The following CDH12 variants were observed in gnomAD, a reference collection of about 807,000 sequenced individuals.
The protein encoded by CDH12 is cadherin-12.
Under a neutral mutation model 74.1 loss-of-function variants are expected in CDH12, and 41 were observed. The ratio of observed to expected loss-of-function variants is 0.55; its 90% CI spans 0.43 to 0.72. The LOEUF is 0.72. CDH12 is among the 30% of genes least tolerant of loss of function. The probability of loss-of-function intolerance (pLI) is 0.00; values close to 1 mark genes in which losing one functional copy is unlikely to be tolerated. For synonymous variants in CDH12, 399 were observed against 355.0 expected (o/e 1.12, Z -1.39); for missense variants, 945 against 977.2 (o/e 0.97, Z 0.44).
At chr5:22,461,871 A>G (rs991713390) in intron 2 of CDH12, among the ~76,000 whole-genome samples, 2 of 151,926 alleles carry the variant, frequency 1.3e-5, no homozygotes, top group Admixed American at 6.6e-5. Context: ...TATGAATAGT[A>G]CAAGAAAGAG....
chr5:22,051,817 A>G (rs1452727872), intron 5 of CDH12, among the ~76,000 whole-genome samples: 1 of 152,132 alleles, frequency 6.6e-6, no homozygotes, highest in African/African-American at 2.4e-5. Flanking sequence ...AAAAAAGAAA[A>G]AGAGCTGGAC....
chr5:22,027,606 G>T (rs2150168674), intron 5 of CDH12, among the ~76,000 whole-genome samples: 1 of 152,246 alleles, frequency 6.6e-6, no homozygotes. Flanking sequence ...TTGCGTAGAG[G>T]TGTTTGTAGT....
chr5:22,496,118 A>G (rs998828224), intron 2 of CDH12, among the ~76,000 whole-genome samples: 3 of 152,142 alleles, frequency 2.0e-5, no homozygotes, highest in Non-Finnish European at 4.4e-5. Flanking sequence ...GTAACTTGTC[A>G]CTACTGATAA....
intron 6 of CDH12, among the ~76,000 whole-genome samples, chr5:21,879,914 G>C (rs1752151779): frequency 6.6e-6 from 1 of 152,196 alleles, no homozygotes. Flanking sequence ...TGATCTAACA[G>C]GTAGATGGAA....
intron 1 of CDH12, among the ~76,000 whole-genome samples, chr5:22,811,034 T>C (rs1226795540): frequency 6.6e-6 from 1 of 151,162 alleles, no homozygotes; most frequent in African/African-American, 2.4e-5. Context: ...TGTACATACA[T>C]AAATATATAC....
At chr5:22,336,902 G>T (rs1168462124) in intron 3 of CDH12, among the ~76,000 whole-genome samples, 1 of 152,204 alleles carries the variant, frequency 6.6e-6, no homozygotes, top group Non-Finnish European at 1.5e-5. Flanking sequence ...TTGACAGCTT[G>T]CACCATCCAC....
intron 3 of CDH12, among the ~76,000 whole-genome samples, chr5:22,283,124 T>A (rs58361406): frequency 0.33 from 50,164 of 150,058 alleles, 8,943 homozygotes; most frequent in East Asian, 0.48. Context: ...ACACAGAATA[T>A]TTGTCCATCT....
intron 6 of CDH12, among the ~76,000 whole-genome samples, chr5:21,877,912 A>G (rs1221506345): frequency 6.6e-6 from 1 of 152,252 alleles, no homozygotes. Context: ...TGGAAAATCC[A>G]TTAAAATAAA....
intron 6 of CDH12, among the ~76,000 whole-genome samples, chr5:21,934,128 TCACACACA>T (rs367663462): frequency 6.6e-6 from 1 of 150,604 alleles, no homozygotes; most frequent in East Asian, 1.9e-4. Context: ...ACACACACAC[TCACACACA>T]CACACACATT....
At chr5:22,373,832 C>CGTAA (rs1313175275) in intron 3 of CDH12, among the ~76,000 whole-genome samples, 5 of 152,080 alleles carry the variant, frequency 3.3e-5, no homozygotes, top group African/African-American at 1.2e-4. Context: ...GAAGAAGTGA[C>CGTAA]TATTACAACA....
intron 6 of CDH12, chr5:21,882,693 C>A: frequency 6.4e-7 from 1 of 1,568,992 alleles, no homozygotes; most frequent in East Asian, 2.3e-5. Flanking sequence ...GGTGCAGATG[C>A]CCGAGCCTTA....
chr5:22,105,060 G>C (rs114804812), intron 4 of CDH12, among the ~76,000 whole-genome samples: 6 of 151,630 alleles, frequency 4.0e-5, no homozygotes, highest in South Asian at 2.1e-4. Context: ...CTTTCCCTGC[G>C]CGTATGTCTG....
At chr5:22,639,809 C>T (rs1250631664) in intron 1 of CDH12, among the ~76,000 whole-genome samples, 2 of 152,118 alleles carry the variant, frequency 1.3e-5, no homozygotes, top group African/African-American at 2.4e-5. Flanking sequence ...TAATATGATC[C>T]ACCCCAATAC....
At chr5:21,885,599 G>T (rs7444096) in intron 6 of CDH12, among the ~76,000 whole-genome samples, 112,115 of 152,114 alleles carry the variant, frequency 0.74, 45,583 homozygotes, top group Non-Finnish European at 0.9. Context: ...CTGAATTTGA[G>T]TTGCACTTGT....
chr5:22,006,460 C>T (rs1207999357), intron 5 of CDH12, among the ~76,000 whole-genome samples: 1 of 151,912 alleles, frequency 6.6e-6, no homozygotes, highest in African/African-American at 2.4e-5. Flanking sequence ...TCAGTCTCTA[C>T]CCAGATGTCT....
At chr5:22,330,835 A>G (rs1241703501) in intron 3 of CDH12, among the ~76,000 whole-genome samples, 2 of 151,956 alleles carry the variant, frequency 1.3e-5, no homozygotes, top group Admixed American at 1.3e-4. Flanking sequence ...GGAGTAGAGC[A>G]ATAAGCAGGC....
Position 21,751,880 on chromosome 5 carries a change from C to T in CDH12, c.2242G>A (p.Ala748Thr). 6.2e-7 allele frequency: 1 copy of T among 1,614,004 alleles called. No individual in the cohort carries two copies. The change falls in exon 15 of 15, where the codon GCA becomes ACA. Residue 748 changes from alanine (A) to threonine (T), a missense_variant. Physicochemically the swap from Ala to Thr is moderately conservative, Grantham distance 58 (BLOSUM62 0). This residue lies in a region of CDH12 where 791 missense variants were observed against 792.8 expected (regional missense o/e 1.00). Transcript: ENST00000382254. ...GAGTCTATAGAGCTGAGGGACTCTG[C>T]CACGGACCCACTCCCTTCGTAGGCA... ...TYAYEGSGSVAESLSSIDSLT... is the reference protein window; with the variant it reads ...TYAYEGSGSVTESLSSIDSLT...
At chr5:22,240,009 T>C (rs1752691739) in intron 3 of CDH12, among the ~76,000 whole-genome samples, 1 of 152,170 alleles carries the variant, frequency 6.6e-6, no homozygotes, top group Non-Finnish European at 1.5e-5. Flanking sequence ...GTATAAAATA[T>C]TGTAGCATGT....
chr5:22,588,952 T>A (rs1010564095), intron 1 of CDH12, among the ~76,000 whole-genome samples: 28 of 152,220 alleles, frequency 1.8e-4, no homozygotes, highest in African/African-American at 6.3e-4. Context: ...TTATACTATC[T>A]TTAAAAAATA....
Sources: allele counts gnomAD v4.1 joint callset (sites outside exome capture counted in the v4.1 genomes callset), GRCh38; gene constraint gnomAD v4.1.1; regional missense constraint gnomAD v4.1.1; transcripts MANE v1.5; gene names NCBI Gene and HGNC (gene_info 2026-07-23, HGNC 2026-07-21).